R3HCC1L: variants seen among roughly 807,000 people sequenced by gnomAD.
R3HCC1L encodes the protein coiled-coil domain-containing protein R3HCC1L.
In R3HCC1L, 51 loss-of-function variants were observed where a neutral mutation model predicts 59.9. The observed-to-expected ratio is 0.85, with a 90% confidence interval of 0.68 to 1.07. R3HCC1L has a LOEUF of 1.07. Among genes scored for constraint, R3HCC1L ranks in the 50% least tolerant of loss-of-function variants. The probability of loss-of-function intolerance (pLI) is 0.00; values close to 1 mark genes in which losing one functional copy is unlikely to be tolerated. For missense variants in R3HCC1L, 965 were observed against 933.0 expected (o/e 1.03, Z -0.45); for synonymous variants, 322 against 315.2 (o/e 1.02, Z -0.23).
At chr10:98,159,387 AGCTT>A (rs1390346867) in intron 2 of R3HCC1L, among the ~76,000 whole-genome samples, 1 of 152,230 alleles carries the variant, frequency 6.6e-6, no homozygotes, top group Non-Finnish European at 1.5e-5. Flanking sequence ...TTAAGTGTAT[AGCTT>A]AGTGGCATTA....
At chr10:98,234,792 T>C (rs1856741028) in intron 7 of R3HCC1L, among the ~76,000 whole-genome samples, 1 of 152,226 alleles carries the variant, frequency 6.6e-6, no homozygotes, top group African/African-American at 2.4e-5. Context: ...AAGGTAGAGA[T>C]TGAAGAATCC....
At chr10:98,174,614 G>C in intron 4 of R3HCC1L, 1 of 985,270 alleles carries the variant, frequency 1.0e-6, no homozygotes, top group East Asian at 1.1e-4. Context: ...ATTTAGGAGG[G>C]CGTTAGACAT....
At chr10:98,225,518 A>G (rs535959381) in intron 5 of R3HCC1L, among the ~76,000 whole-genome samples, 2 of 152,228 alleles carry the variant, frequency 1.3e-5, no homozygotes, top group Non-Finnish European at 2.9e-5. Context: ...TGATCTCAAC[A>G]ATATCAGTAC....
rs147367983 is a variant in R3HCC1L, at chr10:98,159,394, T to C, written c.-213+3247T>C. On this transcript the variant is annotated intron_variant, in intron 2 of 9. Coordinates refer to ENST00000298999, the MANE Select transcript of R3HCC1L (RefSeq NM_001351015.2). The stretch of plus-strand genomic sequence containing the variant: ...AACCATTTTTAAGTGTATAGCTTAG[T>C]GGCATTATATTCTCTTTCTATTCAT... 1.1e-3 allele frequency among the ~76,000 whole-genome samples: 170 copies of C among 152,348 alleles called. 1 individual carries two copies. The highest frequency in any genetic ancestry group is 0.01 in the Middle Eastern group (3 of 294).
chr10:98,147,223 A>G (rs1368226465), intron 1 of R3HCC1L, among the ~76,000 whole-genome samples: 1 of 152,102 alleles, frequency 6.6e-6, no homozygotes, highest in Non-Finnish European at 1.5e-5. Context: ...TGAAACATCT[A>G]TTCAGATCTT....
chr10:98,149,407 T>C (rs1221291928), intron 1 of R3HCC1L, among the ~76,000 whole-genome samples: 2 of 152,190 alleles, frequency 1.3e-5, no homozygotes, highest in African/African-American at 4.8e-5. Flanking sequence ...GGGCTAGGTT[T>C]GTTCTTTTCT....
At position 98,234,715 on chromosome 10, in the gene R3HCC1L, T is replaced by G. The variant is rs374441812; in HGVS notation, c.2032+199T>G. Among the ~76,000 whole-genome samples, 30 of 152,314 alleles carry G rather than the reference T, an allele frequency of 2.0e-4. No individual in the cohort carries two copies. The East Asian group carries it at 2.7e-3, about 14-fold the overall frequency. ...CTTAGTCCAGTGGTATTTGGAGAGATAGAGTCAACACCTTCCAAGGTTATT... is the reference window on the plus strand; with the variant it reads ...CTTAGTCCAGTGGTATTTGGAGAGAGAGAGTCAACACCTTCCAAGGTTATT... On this transcript the variant is annotated intron_variant, in intron 7 of 9. Transcript: ENST00000298999.
Position 98,209,089 on chromosome 10 carries a change from T to A in R3HCC1L, c.975T>A (p.Val325=), listed in dbSNP as rs749394705. Residue 325 remains valine, a synonymous_variant, in exon 5 of 10, where the codon GTT becomes GTA. Transcript: ENST00000298999. ...ISLSESTNDT[V]SPVMIRECEK... is the part of the protein sequence containing the mutation. The stretch of plus-strand genomic sequence containing the variant: ...TGTCAGAGAGCACAAATGACACTGT[T>A]AGTCCAGTAATGATTAGAGAATGTG... 6.2e-7 allele frequency: 1 copy of A among 1,614,042 alleles called. No individual in the cohort carries two copies. The highest frequency in any genetic ancestry group is 8.5e-7 in the Non-Finnish European group (1 of 1,179,980).
chr10:98,174,972 G>A (rs1848860357), intron 4 of R3HCC1L, among the ~76,000 whole-genome samples: 1 of 152,148 alleles, frequency 6.6e-6, no homozygotes, highest in Non-Finnish European at 1.5e-5. Flanking sequence ...ATAGTTTTCT[G>A]TATCTACCCG....
intron 6 of R3HCC1L, among the ~76,000 whole-genome samples, chr10:98,233,419 TTAA>T (rs1238867068): frequency 6.6e-6 from 1 of 152,196 alleles, no homozygotes; most frequent in Non-Finnish European, 1.5e-5. Flanking sequence ...AACATTGCTA[TTAA>T]TAATAAAAGT....
At chr10:98,135,946 A>G (rs1844531662) in intron 1 of R3HCC1L, among the ~76,000 whole-genome samples, 1 of 152,146 alleles carries the variant, frequency 6.6e-6, no homozygotes, top group African/African-American at 2.4e-5. Context: ...TTTTGACATT[A>G]AGCTTTGAGA....
At chr10:98,232,711 T>A (rs564047630) in intron 6 of R3HCC1L, among the ~76,000 whole-genome samples, 7 of 152,338 alleles carry the variant, frequency 4.6e-5, no homozygotes, top group African/African-American at 1.7e-4. Flanking sequence ...AGATTCTATA[T>A]AAGTCAGGGT....
At chr10:98,215,336 GAC>G (rs1854053747) in intron 5 of R3HCC1L, among the ~76,000 whole-genome samples, 1 of 152,054 alleles carries the variant, frequency 6.6e-6, no homozygotes, top group African/African-American at 2.4e-5. Context: ...AAAAAACTTT[GAC>G]ACAGTGCTTT....
At position 98,208,774 on chromosome 10, in the gene R3HCC1L, T is replaced by C; in HGVS notation, c.660T>C (p.Phe220=). The C allele has an allele frequency of 6.2e-7, 1 of 1,614,098 alleles. No homozygotes were observed. The highest frequency in any genetic ancestry group is 8.5e-7 in the Non-Finnish European group (1 of 1,180,000). Residue 220 remains phenylalanine (F), a synonymous_variant, in exon 5 of 10, where the codon TTT becomes TTC. Transcript: ENST00000298999. ...DTKVLEILYE[F]PRVFSSVMKP... ...AGGTTTTGGAGATACTATATGAGTT[T>C]CCTAGAGTTTTTAGTTCTGTCATGA... is the stretch of plus-strand genomic sequence containing the variant.
chr10:98,147,428 G>C (rs1275488251), intron 1 of R3HCC1L, among the ~76,000 whole-genome samples: 1 of 152,012 alleles, frequency 6.6e-6, no homozygotes, highest in Admixed American at 6.5e-5. Flanking sequence ...AGTCCCATTT[G>C]TCTATTTTGC....
intron 4 of R3HCC1L, among the ~76,000 whole-genome samples, chr10:98,178,957 T>C (rs1215707181): frequency 6.6e-6 from 1 of 152,156 alleles, no homozygotes; most frequent in Non-Finnish European, 1.5e-5. Flanking sequence ...CTTAAGGAGA[T>C]TTTGGGCTGA....
intron 4 of R3HCC1L, among the ~76,000 whole-genome samples, chr10:98,168,632 G>A (rs1437178680): frequency 2.6e-5 from 4 of 152,290 alleles, no homozygotes; most frequent in Middle Eastern, 3.4e-3. Flanking sequence ...CAGGCAGAGA[G>A]GCAGAGGCAG....
At chr10:98,176,515 T>C (rs540076303) in intron 4 of R3HCC1L, among the ~76,000 whole-genome samples, 1 of 152,306 alleles carries the variant, frequency 6.6e-6, no homozygotes, top group South Asian at 2.1e-4. Context: ...ATGATACTCT[T>C]CGATTTTCAG....
chr10:98,209,529 CCTT>C lies in R3HCC1L; in HGVS notation c.1416_1418del (p.Leu473del). On this transcript the variant is annotated inframe_deletion, in exon 5 of 10. Transcript: ENST00000298999. Reference sequence around the variant, plus strand: ...GAGAGCTTGTCAGATTGTGCTTCCTCCTTACCTATAAAAAAGATTGCTGGTAGT... The same window carrying C: ...GAGAGCTTGTCAGATTGTGCTTCCTCACCTATAAAAAAGATTGCTGGTAGT... The C allele has an allele frequency of 6.2e-7, 1 of 1,613,844 alleles. No homozygotes were observed. The highest frequency in any genetic ancestry group is 8.5e-7 in the Non-Finnish European group (1 of 1,179,942).
Sources: allele counts gnomAD v4.1 joint callset (sites outside exome capture counted in the v4.1 genomes callset), GRCh38; gene constraint gnomAD v4.1.1; transcripts MANE v1.5; gene names NCBI Gene and HGNC (gene_info 2026-07-23, HGNC 2026-07-21).